KLHL25: variants seen among roughly 807,000 people sequenced by gnomAD.
KLHL25 encodes kelch like family member 25, also known as kelch-like protein 25.
Under a neutral mutation model 30.0 loss-of-function variants are expected in KLHL25, and 41 were observed. That is an observed-to-expected ratio of 1.37 (90% CI 1.07 to 1.78). The LOEUF is 1.78. Ranked by LOEUF, KLHL25 falls within the 40% of genes most tolerant of loss-of-function variation. The pLI is 0.00. For synonymous variants in KLHL25, 399 were observed against 355.3 expected, an observed-to-expected ratio of 1.12 and a Z score of -1.38; for missense variants, 971 against 824.5, an observed-to-expected ratio of 1.18 and a Z score of -2.18.
chr15:85,767,910 G>T, intron 2 of KLHL25, 107 bp downstream of exon 2: 1 of 739,088 alleles, frequency 1.4e-6, no homozygotes, highest in Non-Finnish European at 2.2e-6. Context: ...TGCCCACCCA[G>T]ACTTCCCTGG....
rs562845742 is a variant in KLHL25, at chr15:85,768,839, G to A, written c.972C>T (p.Ala324=). The change falls in exon 2 of 3, where the codon GCC becomes GCT. Residue 324 remains alanine, a synonymous_variant. Transcript: ENST00000337975. ...DHKAKEIIPK[A]DLPSPRKEFS... is the part of the protein sequence containing the mutation. ...ACTCCTTCCGGGGGCTGGGCAGGTC[G>A]GCCTTGGGGATGATCTCCTTGGCCT... is the stretch of plus-strand genomic sequence containing the variant. 2.6e-5 allele frequency: 42 copies of A among 1,613,364 alleles called. No individual in the cohort carries two copies. The highest frequency in any genetic ancestry group is 2.2e-4 in the South Asian group (20 of 91,088).
intron 1 of KLHL25, among the ~76,000 whole-genome samples, chr15:85,782,295 T>C (rs1411581430): frequency 1.3e-5 from 2 of 152,122 alleles, no homozygotes; most frequent in Non-Finnish European, 2.9e-5. Flanking sequence ...GGACCTTGCA[T>C]TGGGGTTTTC....
At chr15:85,791,065 C>CG (rs1195609090) in intron 1 of KLHL25, among the ~76,000 whole-genome samples, 2 of 151,124 alleles carry the variant, frequency 1.3e-5, no homozygotes, top group East Asian at 3.9e-4. Flanking sequence ...AGCATGGTGG[C>CG]GGGTGCCTGT....
Position 85,769,174 on chromosome 15 carries a change from C to T in KLHL25, c.637G>A (p.Ala213Thr), listed in dbSNP as rs1336204906. ...TCGTGCTTCACCCACTGGAGGATGG[C>T]CTCGAAGACCACCCGCTCGTCCTCG... ...ETEDERVVFE[A>T]ILQWVKHDLE... Residue 213 changes from alanine to threonine, a missense_variant, in exon 2 of 3, where the codon GCC (alanine) becomes ACC (threonine). Coordinates refer to ENST00000337975, the MANE Select transcript of KLHL25 (RefSeq NM_022480.4). 3 of 1,613,062 alleles carry T rather than the reference C, an allele frequency of 1.9e-6. No individual in the cohort carries two copies. In the Admixed American group the frequency reaches 5.0e-5, roughly 27 times the overall value.
intron 1 of KLHL25, among the ~76,000 whole-genome samples, chr15:85,779,685 C>T (rs1170010746): frequency 6.6e-6 from 1 of 152,158 alleles, no homozygotes; most frequent in Admixed American, 6.5e-5. Flanking sequence ...TGCCATTTTC[C>T]TATTCTGCCC....
intron 2 of KLHL25, among the ~76,000 whole-genome samples, chr15:85,765,787 G>C (rs1208453336): frequency 4.8e-5 from 7 of 145,052 alleles, no homozygotes; most frequent in African/African-American, 1.8e-4. Context: ...AGCAGAGATC[G>C]TACCCTGCAC....
At chr15:85,776,798 G>A (rs1415918004) in intron 1 of KLHL25, among the ~76,000 whole-genome samples, 1 of 150,582 alleles carries the variant, frequency 6.6e-6, no homozygotes, top group Non-Finnish European at 1.5e-5. Context: ...GGTGGCGGGT[G>A]CCTATAGTCC....
At position 85,759,437 on chromosome 15, in the gene KLHL25, G is replaced by C. The variant is rs907744670; in HGVS notation, c.*1599C>G. On this transcript the variant is annotated 3_prime_UTR_variant, in exon 3 of 3. Coordinates refer to ENST00000337975, the MANE Select transcript of KLHL25 (RefSeq NM_022480.4). ...TGTGATAAGTGTGCTTTATCTCAAT[G>C]AAGCAACCCCACGGGTCCAGGCACC... The C allele has an allele frequency of 1.0e-4, 16 of 152,540 alleles. No homozygotes were observed. Among genetic ancestry groups the C allele is most frequent in the Non-Finnish European group, 1.5e-5 (1 of 68,050 alleles). 9.4% of individuals were successfully genotyped at this position (152,540 alleles called of 1,614,324 possible).
chr15:85,771,245 CA>C (rs1189650570), intron 1 of KLHL25: 1 of 150,798 alleles, frequency 6.6e-6, no homozygotes, highest in Non-Finnish European at 1.5e-5. Context: ...GGCCAAAAAG[CA>C]AACTGCATTC....
Position 85,769,288 on chromosome 15 carries a change from GCA to G in KLHL25, c.521_522del (p.Val174AlafsTer3), listed in dbSNP as rs1355135188. On this transcript the variant is annotated frameshift_variant, in exon 2 of 3. Transcript: ENST00000337975. LOFTEE classifies it high-confidence loss of function. ...TCGCTCTGCCTCACCGTCTCAAAGT[GCA>G]CCAGGCACATGCGCCAGGAGAACTC... is the stretch of plus-strand genomic sequence containing the variant. ...LYEFSWRMCL[V>X]HFETVRQSED... 6.2e-7 allele frequency: 1 copy of G among 1,613,910 alleles called. No homozygotes were observed. Among genetic ancestry groups the G allele is most frequent in the East Asian group, 2.2e-5 (1 of 44,892 alleles).
chr15:85,772,576 AC>A (rs1291045764), intron 1 of KLHL25, among the ~76,000 whole-genome samples: 1 of 151,990 alleles, frequency 6.6e-6, no homozygotes, highest in Non-Finnish European at 1.5e-5. Flanking sequence ...CCTAGAACTA[AC>A]TCCACTCTGG....
chr15:85,766,245 G>T (rs528647098), intron 2 of KLHL25, among the ~76,000 whole-genome samples: 1 of 152,318 alleles, frequency 6.6e-6, no homozygotes, highest in African/African-American at 2.4e-5. Flanking sequence ...GGCTCCCTCC[G>T]GCAGGACAGC....
At chr15:85,791,459 C>T (rs1411200676) in intron 1 of KLHL25, among the ~76,000 whole-genome samples, 1 of 152,178 alleles carries the variant, frequency 6.6e-6, no homozygotes, top group African/African-American at 2.4e-5. Flanking sequence ...GGCGCCATTG[C>T]ACTCCAGCCT....
chr15:85,788,597 G>C (rs1356373557), intron 1 of KLHL25, among the ~76,000 whole-genome samples: 1 of 152,086 alleles, frequency 6.6e-6, no homozygotes, highest in Admixed American at 6.6e-5. Context: ...AGGAAACTGA[G>C]GCAGATTCTC....
chr15:85,784,265 A>G lies in KLHL25; in HGVS notation c.-11+10501T>C, dbSNP rs368862923. Among the ~76,000 whole-genome samples, 3 of 152,370 alleles carry G rather than the reference A, an allele frequency of 2.0e-5. No individual in the cohort carries two copies. The East Asian group carries it at 5.8e-4, about 29-fold the overall frequency. ...CAGAGTTGGCTGGGCACGGTGGCTC[A>G]TGCCTGTAATCCCTGCACTTTGGGA... On this transcript the variant is annotated intron_variant, in intron 1 of 2. Transcript: ENST00000337975.
intron 1 of KLHL25, among the ~76,000 whole-genome samples, chr15:85,777,507 G>A (rs1329753995): frequency 2.0e-5 from 3 of 152,174 alleles, no homozygotes; most frequent in East Asian, 1.9e-4. Flanking sequence ...GGGAGGTCCC[G>A]ACAGACCCAG....
chr15:85,769,630 G>T lies in KLHL25; in HGVS notation c.181C>A (p.Arg61Ser). Residue 61 changes from arginine to serine, a missense_variant, in exon 2 of 3, where the codon CGT (arginine) becomes AGT (serine). Arg to Ser is a moderately radical substitution (Grantham distance 110, BLOSUM62 -1). Coordinates refer to ENST00000337975, the MANE Select transcript of KLHL25 (RefSeq NM_022480.4). ...CGGCTAGAGGCGGCCAGCACGGCAC[G>T]GTGACAGGGGAAGGCACGGTCGCCC... is the stretch of plus-strand genomic sequence containing the variant. ...WAGDRAFPCH[R>S]AVLAASSRYF... 1 of 1,613,348 alleles carries T rather than the reference G, an allele frequency of 6.2e-7. No homozygotes were observed. The highest frequency in any genetic ancestry group is 8.5e-7 in the Non-Finnish European group (1 of 1,180,036).
At chr15:85,784,547 T>C (rs199511956) in intron 1 of KLHL25, among the ~76,000 whole-genome samples, 1 of 141,476 alleles carries the variant, frequency 7.1e-6, no homozygotes, top group Non-Finnish European at 1.6e-5. Flanking sequence ...AATAAAAAAA[T>C]AAAAAAAAAA....
In KLHL25 at chr15:85,794,052, G is replaced by T. The variant is rs533562276; in HGVS notation, c.-11+714C>A. Among the ~76,000 whole-genome samples the T allele has an allele frequency of 2.2e-4, 33 of 152,362 alleles. No individual in the cohort carries two copies. The East Asian group carries it at 5.0e-3, about 23-fold the overall frequency. On this transcript the variant is annotated intron_variant, in intron 1 of 2. Transcript: ENST00000337975. ...TAAAGCAACTACGAAAGAGACAGGG[G>T]GAGTGGGGGCGTAACATCGCGCGGT...
Sources: gnomAD v4.1 joint callset for allele counts (sites outside exome capture counted in the v4.1 genomes callset) on GRCh38, gnomAD v4.1.1 for gene constraint, MANE v1.5 for transcripts, NCBI Gene and HGNC (gene_info 2026-07-23, HGNC 2026-07-21) for gene names.